Variants in RPH3AL observed in about 807,000 individuals in gnomAD.
RPH3AL encodes rab effector Noc2.
Under a neutral mutation model 43.1 loss-of-function variants are expected in RPH3AL, and 38 were observed. That is an observed-to-expected ratio of 0.88 (90% CI 0.68 to 1.15). The LOEUF is 1.15. RPH3AL is among the 50% of genes most tolerant of loss of function. The pLI, the probability that RPH3AL is intolerant of heterozygous loss-of-function variation, is 0.00. For synonymous variants in RPH3AL, 189 were observed against 176.3 expected, an observed-to-expected ratio of 1.07 and a Z score of -0.57; for missense variants, 462 against 423.2, an observed-to-expected ratio of 1.09 and a Z score of -0.81.
chr17:223,028 A>G lies in RPH3AL; in HGVS notation c.614-3292T>C, dbSNP rs190392755. ...AACATAGTGAAACCCCATCTCTACT[A>G]AAAATACAAAAGTAAGCTTGGCGTT... is the stretch of plus-strand genomic sequence containing the variant. On this transcript the variant is annotated intron_variant, in intron 7 of 9. Transcript: ENST00000331302. Among the ~76,000 whole-genome samples, 110 of 152,190 alleles carry G rather than the reference A, an allele frequency of 7.2e-4. 1 individual carries two copies. The highest frequency in any genetic ancestry group is 1.7e-3 in the Admixed American group (26 of 15,278).
chr17:252,595 A>G (rs188255312), intron 6 of RPH3AL, among the ~76,000 whole-genome samples: 2 of 152,236 alleles, frequency 1.3e-5, no homozygotes, highest in Admixed American at 6.5e-5. Context: ...TATTAAACTT[A>G]AGTAATCCAG....
chr17:245,878 G>A lies in RPH3AL; in HGVS notation c.613+1233C>T, dbSNP rs760642433. Among the ~76,000 whole-genome samples, 2 of 152,274 alleles carry A rather than the reference G, an allele frequency of 1.3e-5. No homozygotes were observed. Among genetic ancestry groups the A allele is most frequent in the South Asian group, 2.1e-4 (1 of 4,828 alleles). On this transcript the variant is annotated intron_variant, in intron 7 of 9. Transcript: ENST00000331302. The surrounding 1 kb of genome is among the most constrained non-coding windows in gnomAD (Gnocchi z 5.9). ...ATTGCATCCCACGGTCCCCACCAAT[G>A]TCTGTCCGTGGCAGCGATGTCGGGG...
chr17:281,697 G>A (rs1317996762), intron 6 of RPH3AL, 71 bp downstream of exon 6: 23 of 495,912 alleles, frequency 4.6e-5, no homozygotes, highest in African/African-American at 1.8e-4. Context: ...CACCCTGACC[G>A]TCCACCCATC....
intron 4 of RPH3AL, among the ~76,000 whole-genome samples, chr17:320,732 C>G (rs1012440387): frequency 6.6e-6 from 1 of 152,218 alleles, no homozygotes; most frequent in African/African-American, 2.4e-5. Context: ...TGTCTTCCTA[C>G]TTGTGCTTTT....
chr17:315,103 A>C (rs71355218), intron 5 of RPH3AL, among the ~76,000 whole-genome samples: 47 of 16,554 alleles, frequency 2.8e-3, no homozygotes, highest in Admixed American at 5.0e-3. Flanking sequence ...AGTCCCTGTG[A>C]CCCCACCTCC....
At position 319,455 on chromosome 17, in the gene RPH3AL, C is replaced by T; in HGVS notation, c.316G>A (p.Gly106Ser). ...LLCGEVLGFL[G>S]SSSVFCKDCR... Reference sequence around the variant, plus strand: ...TCTTTGCAGAACACCGACGAGCTGCCCAGGAAGCCCAGCACCTCCCCGCAG... The same window carrying T: ...TCTTTGCAGAACACCGACGAGCTGCTCAGGAAGCCCAGCACCTCCCCGCAG... Residue 106 changes from glycine (G) to serine (S), a missense_variant, in exon 5 of 10, where the codon GGC (glycine) becomes AGC (serine). By Grantham distance (56) the Gly-to-Ser change is moderately conservative. Coordinates refer to ENST00000331302, the MANE Select transcript of RPH3AL (RefSeq NM_006987.4). 6.2e-7 allele frequency: 1 copy of T among 1,612,574 alleles called. No homozygotes were observed. Among genetic ancestry groups the T allele is most frequent in the Non-Finnish European group, 8.5e-7 (1 of 1,179,896 alleles).
intron 6 of RPH3AL, among the ~76,000 whole-genome samples, chr17:272,981 GGGCTACGTC>G (rs2042527101): frequency 3.8e-5 from 4 of 104,208 alleles, no homozygotes; most frequent in Admixed American, 9.8e-5. Flanking sequence ...ACCCCAGCAA[GGGCTACGTC>G]AGGGTGAGAC....
At chr17:347,695 T>A (rs1183494216) in intron 1 of RPH3AL, among the ~76,000 whole-genome samples, 1 of 152,226 alleles carries the variant, frequency 6.6e-6, no homozygotes, top group Admixed American at 6.5e-5. Flanking sequence ...GAACTGAACA[T>A]TTATGCAAAT....
rs1027142154 is a variant in RPH3AL at position 225,641 on chromosome 17, G to A, written c.614-5905C>T. Among the ~76,000 whole-genome samples, 3 of 152,200 alleles carry A rather than the reference G, an allele frequency of 2.0e-5. No individual in the cohort carries two copies. Among genetic ancestry groups the A allele is most frequent in the Non-Finnish European group, 4.4e-5 (3 of 68,032 alleles). On this transcript the variant is annotated intron_variant, in intron 7 of 9. Transcript: ENST00000331302. This position sits in a 1 kb window ranked among gnomAD's most constrained non-coding sequence, Gnocchi z 4.4. ...TCCAGCAGGAGGACAGTCCTGCGGA[G>A]GGTGGGGTGGCTCGTCTGCACACCG...
chr17:258,016 T>TCCGTCCCTAGGAATGTGACTACCCTACG (rs2042101863), intron 6 of RPH3AL, among the ~76,000 whole-genome samples: 1 of 152,158 alleles, frequency 6.6e-6, no homozygotes. Context: ...TCTGTCCTTT[T>TCCGTCCCTAGGAATGTGACTACCCTACG]TTGGCTGCTT....
intron 3 of RPH3AL, among the ~76,000 whole-genome samples, chr17:324,284 C>T (rs1042077783): frequency 1.2e-4 from 18 of 152,230 alleles, no homozygotes; most frequent in Non-Finnish European, 2.5e-4. Context: ...CTGCCTCCAC[C>T]TGCTCCGCCT....
chr17:241,070 T>TAAC (rs1555536714), intron 7 of RPH3AL, among the ~76,000 whole-genome samples: 1 of 12,884 alleles, frequency 7.8e-5, no homozygotes, highest in Non-Finnish European at 1.7e-4. Flanking sequence ...ATAATAATAA[T>TAAC]AATAATAATA....
intron 1 of RPH3AL, among the ~76,000 whole-genome samples, chr17:335,162 A>G (rs1187518925): frequency 6.6e-6 from 1 of 152,220 alleles, no homozygotes; most frequent in African/African-American, 2.4e-5. Flanking sequence ...GAGCACAGCC[A>G]CACTGTGACC....
At chr17:230,566 G>T (rs1265140912) in intron 7 of RPH3AL, among the ~76,000 whole-genome samples, 5 of 152,188 alleles carry the variant, frequency 3.3e-5, no homozygotes, top group African/African-American at 9.7e-5. Flanking sequence ...CTCCTCTGGG[G>T]CCAGGACCAT....
chr17:275,558 G>A (rs564734058), intron 6 of RPH3AL, among the ~76,000 whole-genome samples: 1 of 152,254 alleles, frequency 6.6e-6, no homozygotes, highest in African/African-American at 2.4e-5. Flanking sequence ...GCACACAAGT[G>A]TTTCTGAGTA....
chr17:228,375 C>T (rs1331191414), intron 7 of RPH3AL, among the ~76,000 whole-genome samples: 2 of 151,978 alleles, frequency 1.3e-5, no homozygotes, highest in African/African-American at 2.4e-5. Context: ...CTCAGGGGCT[C>T]GCCTGCGGAG....
Position 258,757 on chromosome 17 carries a change from G to GTTTTTTTTTT in RPH3AL, c.439-11482_439-11473dup, listed in dbSNP as rs372761475. The stretch of plus-strand genomic sequence containing the variant: ...TCAGCCATTTTGGGATAGTCAACCC[G>GTTTTTTTTTT]TTTTTTTTTTTTTTTTTTTTTGAGA... On this transcript the variant is annotated intron_variant, in intron 6 of 9. Transcript: ENST00000331302. Among the ~76,000 whole-genome samples the GTTTTTTTTTT allele has an allele frequency of 3.0e-5, 3 of 98,770 alleles. 1 individual carries two copies. Among genetic ancestry groups the GTTTTTTTTTT allele is most frequent in the Non-Finnish European group, 4.2e-5 (2 of 47,482 alleles). 64.8% of individuals were successfully genotyped at this position (98,770 alleles called of 152,430 possible). A position where few individuals can be genotyped will look rare whatever the true frequency, so the allele number is the denominator to read the frequency against.
At position 274,222 on chromosome 17, in the gene RPH3AL, G is replaced by C. The variant is rs1056283665; in HGVS notation, c.438+7546C>G. 6.6e-6 allele frequency among the ~76,000 whole-genome samples: 1 copy of C among 152,236 alleles called. No individual in the cohort carries two copies. The highest frequency in any genetic ancestry group is 2.4e-5 in the African/African-American group (1 of 41,472). On this transcript the variant is annotated intron_variant, in intron 6 of 9. Transcript: ENST00000331302. The surrounding 1 kb of genome is among the most constrained non-coding windows in gnomAD (Gnocchi z 4.7). ...CATGAAAGCACGTGGAAAAGGCACCGCGAAACCCCAGCCCGGGGCCTCTGA... is the reference window on the plus strand; with the variant it reads ...CATGAAAGCACGTGGAAAAGGCACCCCGAAACCCCAGCCCGGGGCCTCTGA...
intron 5 of RPH3AL, among the ~76,000 whole-genome samples, chr17:293,461 T>TGGCTGGG (rs1170963296): frequency 3.9e-5 from 5 of 129,818 alleles, no homozygotes; most frequent in Admixed American, 8.3e-5. Flanking sequence ...GCCGCCAGGA[T>TGGCTGGG]GGCTGGGGGC....
Sources: gnomAD v4.1 joint callset for allele counts (sites outside exome capture counted in the v4.1 genomes callset) on GRCh38, gnomAD v4.1.1 for gene constraint, Gnocchi (gnomAD v3.1) non-coding constraint, MANE v1.5 for transcripts, NCBI Gene and HGNC (gene_info 2026-07-23, HGNC 2026-07-21) for gene names.